The following ESRRG variants were observed in gnomAD, a reference collection of about 807,000 sequenced individuals.
ESRRG encodes estrogen-related receptor gamma.
A neutral mutation model predicts 44.0 loss-of-function variants in ESRRG; 13 were observed. The ratio of observed to expected loss-of-function variants is 0.30; its 90% confidence interval spans 0.19 to 0.47. ESRRG has a LOEUF of 0.47. Among genes scored for constraint, ESRRG ranks in the 20% least tolerant of loss-of-function variants. ESRRG has a pLI of 1.00. For synonymous variants in ESRRG, 215 were observed against 214.6 expected, an observed-to-expected ratio of 1.00 and a Z score of -0.02; for missense variants, 395 against 580.6, an observed-to-expected ratio of 0.68 and a Z score of 3.29.
intron 1 of ESRRG, among the ~76,000 whole-genome samples, chr1:217,075,175 CA>C (rs1487915365): frequency 6.6e-6 from 1 of 152,308 alleles, no homozygotes; most frequent in African/African-American, 2.4e-5. Context: ...TTGCATGGTT[CA>C]AACCCATGTT....
At chr1:216,637,504 G>C (rs903428708) in intron 3 of ESRRG, among the ~76,000 whole-genome samples, 1 of 152,120 alleles carries the variant, frequency 6.6e-6, no homozygotes, top group Non-Finnish European at 1.5e-5. Context: ...GCTTCCATGT[G>C]ACTTAAAGGA....
At chr1:216,564,456 G>A (rs2059328905) in intron 4 of ESRRG, 76 bp from the exon 5 acceptor site, 5 of 1,207,508 alleles carry the variant, frequency 4.1e-6, no homozygotes, top group Non-Finnish European at 5.6e-6. Context: ...AGCATTTTGT[G>A]TTTTGAAAAA....
At chr1:216,889,338 C>A (rs2057461263) in intron 2 of ESRRG, among the ~76,000 whole-genome samples, 2 of 152,112 alleles carry the variant, frequency 1.3e-5, no homozygotes, top group East Asian at 1.9e-4. Flanking sequence ...AGGGTTTTTG[C>A]ACATGCTAGG....
chr1:217,125,842 C>T (rs2092882488), intron 1 of ESRRG, among the ~76,000 whole-genome samples: 1 of 152,110 alleles, frequency 6.6e-6, no homozygotes, highest in African/African-American at 2.4e-5. Context: ...TCAAATAAAT[C>T]TAACTAAATA....
At chr1:216,538,111 G>A (rs1262492505) in intron 5 of ESRRG, among the ~76,000 whole-genome samples, 1 of 151,880 alleles carries the variant, frequency 6.6e-6, no homozygotes, top group African/African-American at 2.4e-5. Flanking sequence ...CTTCTCTCCT[G>A]CTTTCTCCTC....
In ESRRG at chr1:216,503,833, C is replaced by T. The variant is rs1007902462; in HGVS notation, c.*3106G>A. On this transcript the variant is annotated 3_prime_UTR_variant, in exon 7 of 7. Transcript: ENST00000408911. Reference sequence around the variant, plus strand: ...ACAATCATATTGCTTTAAATAAGAACGAACCTAAAAGAAGCAAAATTAAAA... The same window carrying T: ...ACAATCATATTGCTTTAAATAAGAATGAACCTAAAAGAAGCAAAATTAAAA... 26 of 152,446 alleles carry T rather than the reference C, an allele frequency of 1.7e-4. No homozygotes were observed. Among genetic ancestry groups the T allele is most frequent in the African/African-American group, 5.8e-4 (24 of 41,488 alleles). The allele number at this position is 152,446 out of a possible 1,614,324, so 9.4% of individuals were successfully genotyped here. A position where few individuals can be genotyped will look rare whatever the true frequency, so the allele number is the denominator to read the frequency against.
chr1:217,001,962 A>G (rs892733323), intron 1 of ESRRG, among the ~76,000 whole-genome samples: 3 of 152,112 alleles, frequency 2.0e-5, no homozygotes, highest in African/African-American at 7.2e-5. Context: ...TCCCAGCTCA[A>G]ATCTCCAACT....
chr1:216,847,857 G>C (rs547349890), intron 2 of ESRRG, among the ~76,000 whole-genome samples: 59 of 152,218 alleles, frequency 3.9e-4, no homozygotes, highest in Admixed American at 3.9e-3. Context: ...TAACTCTCTA[G>C]TGTACAATAA....
chr1:216,679,997 C>T (rs931484996), intron 1 of ESRRG, among the ~76,000 whole-genome samples: 1 of 152,142 alleles, frequency 6.6e-6, no homozygotes, highest in Non-Finnish European at 1.5e-5. Flanking sequence ...AAATTCGGGA[C>T]GTACAAGCTG....
intron 2 of ESRRG, among the ~76,000 whole-genome samples, chr1:216,667,708 AAGAT>A (rs2074261924): frequency 7.1e-6 from 1 of 140,166 alleles, no homozygotes; most frequent in Non-Finnish European, 1.6e-5. Context: ...AAAAAAAAAA[AAGAT>A]AGAACGAAGT....
chr1:216,971,545 T>C (rs1249814930), intron 1 of ESRRG, among the ~76,000 whole-genome samples: 3 of 152,202 alleles, frequency 2.0e-5, no homozygotes, highest in Non-Finnish European at 4.4e-5. Flanking sequence ...GATTCATCTG[T>C]TATTTCTCCT....
intron 2 of ESRRG, among the ~76,000 whole-genome samples, chr1:216,776,807 G>A (rs1480799036): frequency 6.6e-6 from 1 of 152,092 alleles, no homozygotes; most frequent in African/African-American, 2.4e-5. Context: ...AAGTAGTGAT[G>A]GTCATGGAAG....
intron 2 of ESRRG, among the ~76,000 whole-genome samples, chr1:216,908,918 A>G (rs2059997107): frequency 6.6e-6 from 1 of 152,042 alleles, no homozygotes; most frequent in African/African-American, 2.4e-5. Context: ...TCAATATTAA[A>G]ACATATTTTA....
At chr1:216,791,254 C>A (rs2148084539) in intron 2 of ESRRG, among the ~76,000 whole-genome samples, 1 of 152,140 alleles carries the variant, frequency 6.6e-6, no homozygotes, top group South Asian at 2.1e-4. Context: ...TGAGATCGTG[C>A]AAGATCTGAT....
chr1:216,692,921 A>T (rs1266741279), intron 1 of ESRRG, among the ~76,000 whole-genome samples: 1 of 152,204 alleles, frequency 6.6e-6, no homozygotes, highest in Non-Finnish European at 1.5e-5. Flanking sequence ...GTTGGTGTAA[A>T]TACACTCTTG....
At chr1:216,836,202 G>T (rs899835117) in intron 2 of ESRRG, among the ~76,000 whole-genome samples, 1 of 151,894 alleles carries the variant, frequency 6.6e-6, no homozygotes, top group East Asian at 1.9e-4. Flanking sequence ...GAAGGTTTTG[G>T]AGAATGTAAA....
intron 1 of ESRRG, among the ~76,000 whole-genome samples, chr1:216,980,040 C>A (rs999948983): frequency 7.2e-6 from 1 of 139,396 alleles, no homozygotes; most frequent in East Asian, 1.9e-4. Context: ...TATTTTTCCC[C>A]TTTCTTTTCT....
chr1:216,885,834 T>C (rs1345309520), intron 2 of ESRRG, among the ~76,000 whole-genome samples: 4 of 152,018 alleles, frequency 2.6e-5, no homozygotes, highest in African/African-American at 9.7e-5. Context: ...CCCTCCTCCC[T>C]CCCTCAGATA....
At position 217,017,494 on chromosome 1, in the gene ESRRG, A is replaced by T. The variant is rs1890553; in HGVS notation, c.-106+72013T>A. On this transcript the variant is annotated intron_variant, in intron 1 of 7. Transcript: ENST00000359162. ...TACATAACTCAAAAAAAAAAAAAAA[A>T]AAAAGGAGAAAACCACTCCACTGTT... 3.4e-3 allele frequency among the ~76,000 whole-genome samples: 507 copies of T among 149,760 alleles called. 5 individuals are homozygous for T. Among genetic ancestry groups the T allele is most frequent in the South Asian group, 0.011 (53 of 4,804 alleles).
Sources: allele counts gnomAD v4.1 joint callset (sites outside exome capture counted in the v4.1 genomes callset), GRCh38; gene constraint gnomAD v4.1.1; transcripts MANE v1.5; gene names NCBI Gene and HGNC (gene_info 2026-07-23, HGNC 2026-07-21).